The following RAB40C variants were observed in gnomAD, a reference collection of about 807,000 sequenced individuals.
RAB40C encodes ras-related protein Rab-40C.
RAB40C carries 8 observed loss-of-function variants against 28.1 expected under a neutral mutation model. The observed-to-expected ratio is 0.28, with a 90% CI of 0.17 to 0.51. The LOEUF is 0.51. RAB40C is among the 20% of genes least tolerant of loss of function. RAB40C has a pLI of 0.97. For synonymous variants in RAB40C, 201 were observed against 171.7 expected (o/e 1.17, Z -1.34); for missense variants, 288 against 405.9 (o/e 0.71, Z 2.50).
At chr16:603,673 AT>A (rs1269945658) in intron 1 of RAB40C, among the ~76,000 whole-genome samples, 1 of 152,120 alleles carries the variant, frequency 6.6e-6, no homozygotes, top group African/African-American at 2.4e-5. Context: ...GTACAGTTCT[AT>A]GAGTTTTGGC....
At chr16:609,814 G>A (rs529468238) in intron 1 of RAB40C, among the ~76,000 whole-genome samples, 50 of 152,366 alleles carry the variant, frequency 3.3e-4, no homozygotes, top group African/African-American at 1.2e-3. Flanking sequence ...GGCAGTCCCT[G>A]CAGAGGTCAC....
intron 1 of RAB40C, among the ~76,000 whole-genome samples, chr16:604,061 CTT>C (rs71299921): frequency 5.8e-5 from 8 of 138,626 alleles, no homozygotes; most frequent in Non-Finnish European, 4.7e-5. Flanking sequence ...TTTTCTTTTT[CTT>C]TTTTTTTTTT....
rs761549767 is a variant in RAB40C, at chr16:618,276, C to G, written c.264+16C>G. On this transcript the variant is annotated intron_variant, in intron 3 of 5. Coordinates refer to ENST00000248139, the MANE Select transcript of RAB40C (RefSeq NM_021168.5). ...GGGCGCTCAGGTAAGACCAGCACCG[C>G]TCTTTCCATTGCTTTTCAAAGGATG... is the stretch of plus-strand genomic sequence containing the variant. 1.3e-6 allele frequency: 2 copies of G among 1,598,444 alleles called. No individual in the cohort carries two copies. Among genetic ancestry groups the G allele is most frequent in the South Asian group, 1.1e-5 (1 of 88,758 alleles).
intron 1 of RAB40C, among the ~76,000 whole-genome samples, chr16:607,190 G>A (rs917787412): frequency 3.3e-5 from 5 of 152,210 alleles, no homozygotes; most frequent in South Asian, 2.1e-4. Context: ...CCACCAGCAC[G>A]TTGATGACTG....
At chr16:620,336 T>C (rs1218915921) in intron 3 of RAB40C, among the ~76,000 whole-genome samples, 1 of 152,122 alleles carries the variant, frequency 6.6e-6, no homozygotes, top group Admixed American at 6.5e-5. Context: ...GAGGTTGCAG[T>C]GAGCCGAGAT....
rs151331658 is a variant in RAB40C, at chr16:605,646, C to T, written c.143-11562C>T. 2.4e-3 allele frequency among the ~76,000 whole-genome samples: 367 copies of T among 152,312 alleles called. 2 individuals carry two copies. Among genetic ancestry groups the T allele is most frequent in the Admixed American group, 8.0e-3 (122 of 15,298 alleles). On this transcript the variant is annotated intron_variant, in intron 1 of 5. Transcript: ENST00000248139. The stretch of plus-strand genomic sequence containing the variant: ...TGAGTGCAGTTGCTCCCTCCTTCCC[C>T]GCGCCGAGTGGTCTCCCGTGTGTCA...
Position 626,988 on chromosome 16 carries a change from G to A in RAB40C, c.566-354G>A, listed in dbSNP as rs868688857. ...TGCTCTAGGGAATGAGTCAGGACGCGCGCTCCCCCGCTCTAGGGGATGAGT... is the reference window on the plus strand; with the variant it reads ...TGCTCTAGGGAATGAGTCAGGACGCACGCTCCCCCGCTCTAGGGGATGAGT... On this transcript the variant is annotated intron_variant, in intron 5 of 5. Coordinates refer to ENST00000248139, the MANE Select transcript of RAB40C (RefSeq NM_021168.5). Among the ~76,000 whole-genome samples, 9 of 152,208 alleles carry A rather than the reference G, an allele frequency of 5.9e-5. 1 individual carries two copies. The highest frequency in any genetic ancestry group is 3.4e-3 in the Middle Eastern group (1 of 294).
intron 1 of RAB40C, among the ~76,000 whole-genome samples, chr16:608,162 A>G (rs1157742402): frequency 6.6e-6 from 1 of 152,232 alleles, no homozygotes; most frequent in Non-Finnish European, 1.5e-5. Flanking sequence ...GGAAATTTAC[A>G]GTCATGGCGG....
intron 5 of RAB40C, 126 bp from the exon 6 acceptor site, chr16:627,216 G>A: frequency 3.2e-6 from 3 of 935,614 alleles, no homozygotes; most frequent in South Asian, 3.4e-5. Flanking sequence ...TCCTCCAGGA[G>A]CCCAGCCTGG....
chr16:614,179 G>C lies in RAB40C; in HGVS notation c.143-3029G>C, dbSNP rs146222221. ...TACCGCATCCCGATGGTGAACTGCCGAACTCTACCGCATCCCTATGGTGAA... is the reference window on the plus strand; with the variant it reads ...TACCGCATCCCGATGGTGAACTGCCCAACTCTACCGCATCCCTATGGTGAA... On this transcript the variant is annotated intron_variant, in intron 1 of 5. Transcript: ENST00000248139. Among the ~76,000 whole-genome samples the C allele has an allele frequency of 3.3e-5, 3 of 90,548 alleles. No homozygotes were observed. In the East Asian group the frequency reaches 7.6e-4, roughly 23 times the overall value. 59.4% of individuals were successfully genotyped at this position (90,548 alleles called of 152,430 possible).
intron 1 of RAB40C, among the ~76,000 whole-genome samples, chr16:616,060 A>T (rs1326947758): frequency 6.6e-6 from 1 of 152,102 alleles, no homozygotes; most frequent in African/African-American, 2.4e-5. Context: ...GATCGAGACC[A>T]TCCTGGCTAA....
intron 1 of RAB40C, among the ~76,000 whole-genome samples, chr16:598,535 T>G (rs1218550237): frequency 1.5e-5 from 2 of 136,774 alleles, no homozygotes; most frequent in Non-Finnish European, 1.5e-5. Flanking sequence ...CACTCCAGCT[T>G]GGTGACAGAG....
intron 3 of RAB40C, chr16:624,684 A>G: frequency 1.0e-6 from 1 of 985,432 alleles, no homozygotes; most frequent in South Asian, 4.7e-5. Context: ...ATCACAGCTC[A>G]TTGGCTGGAT....
chr16:611,476 C>T (rs2036483269), intron 1 of RAB40C, among the ~76,000 whole-genome samples: 1 of 152,242 alleles, frequency 6.6e-6, no homozygotes, highest in Non-Finnish European at 1.5e-5. Context: ...ATGACCAAGG[C>T]CCCTCCGTCC....
In RAB40C at chr16:629,083, C is replaced by T. The variant is rs573252523; in HGVS notation, c.*1461C>T. ...CCTGCTCCAGCTTCCCTGTCCTGGC[C>T]CCACCTGTCCTGTTGCTGCCAGCAG... On this transcript the variant is annotated 3_prime_UTR_variant, in exon 6 of 6. Transcript: ENST00000248139. 8.8e-4 allele frequency: 142 copies of T among 160,468 alleles called. No homozygotes were observed. The highest frequency in any genetic ancestry group is 3.3e-3 in the African/African-American group (139 of 41,854). The allele number at this position is 160,468 out of a possible 1,614,324, so 9.9% of individuals were successfully genotyped here.
chr16:617,228 A>G lies in RAB40C; in HGVS notation c.163A>G (p.Thr55Ala). ...CGCAGGGATCGACTACAAGACCACCACCATCCTGCTGGACGGCCGGCGCGT... is the reference window on the plus strand; with the variant it reads ...CGCAGGGATCGACTACAAGACCACCGCCATCCTGCTGGACGGCCGGCGCGT... ...YSNGIDYKTT[T>A]ILLDGRRVKL... The change falls in exon 2 of 6, where the codon ACC (threonine) becomes GCC (alanine). Residue 55 changes from threonine to alanine, a missense_variant. By Grantham distance (58) the Thr-to-Ala change is moderately conservative. Coordinates refer to ENST00000248139, the MANE Select transcript of RAB40C (RefSeq NM_021168.5). 2 of 1,614,006 alleles carry G rather than the reference A, an allele frequency of 1.2e-6. No homozygotes were observed. Among genetic ancestry groups the G allele is most frequent in the Non-Finnish European group, 1.7e-6 (2 of 1,179,988 alleles).
intron 1 of RAB40C, among the ~76,000 whole-genome samples, chr16:605,664 G>A (rs543085064): frequency 2.6e-5 from 4 of 152,304 alleles, no homozygotes; most frequent in South Asian, 2.1e-4. Context: ...GTGGTCTCCC[G>A]TGTGTCAAGG....
intron 1 of RAB40C, among the ~76,000 whole-genome samples, chr16:615,371 G>GAC (rs2036565917): frequency 6.6e-6 from 1 of 152,206 alleles, no homozygotes; most frequent in African/African-American, 2.4e-5. Context: ...GATGTGCACA[G>GAC]ACACACACAC....
chr16:613,218 G>T (rs148640239), intron 1 of RAB40C, among the ~76,000 whole-genome samples: 7,978 of 146,790 alleles, frequency 0.054, 684 homozygotes, highest in African/African-American at 0.19. Context: ...AGGGACAGCC[G>T]CCCTGGCCTG....
Sources: allele counts gnomAD v4.1 joint callset (sites outside exome capture counted in the v4.1 genomes callset), GRCh38; gene constraint gnomAD v4.1.1; transcripts MANE v1.5; gene names NCBI Gene and HGNC (gene_info 2026-07-23, HGNC 2026-07-21).